Variants in AUTS2 observed in about 807,000 individuals in gnomAD.
The protein encoded by AUTS2 is activator of transcription and developmental regulator AUTS2, also known as autism susceptibility gene 2 protein.
A neutral mutation model predicts 112.4 loss-of-function variants in AUTS2; 17 were observed. The ratio of observed to expected loss-of-function variants is 0.15; its 90% CI spans 0.10 to 0.23. The LOEUF is 0.23. Ranked by LOEUF, AUTS2 falls within the 10% of genes least tolerant of loss-of-function variation. The pLI is 1.00. For synonymous variants in AUTS2, 751 were observed against 702.7 expected, an observed-to-expected ratio of 1.07 and a Z score of -1.09; for missense variants, 1,510 against 1,701.6, an observed-to-expected ratio of 0.89 and a Z score of 1.98.
chr7:70,331,277 G>A (rs1790732389), intron 4 of AUTS2, among the ~76,000 whole-genome samples: 1 of 152,084 alleles, frequency 6.6e-6, no homozygotes, highest in Non-Finnish European at 1.5e-5. Flanking sequence ...TTAGTCTTAG[G>A]AGGGTGTATG....
chr7:70,022,884 C>T (rs957702922), intron 2 of AUTS2, among the ~76,000 whole-genome samples: 1 of 151,946 alleles, frequency 6.6e-6, no homozygotes, highest in Non-Finnish European at 1.5e-5. Context: ...TAAGGTCTTG[C>T]TTTCTCGCCC....
At chr7:69,953,398 G>A (rs964935163) in intron 2 of AUTS2, among the ~76,000 whole-genome samples, 1 of 151,978 alleles carries the variant, frequency 6.6e-6, no homozygotes, top group South Asian at 2.1e-4. Context: ...TCTATTCTCA[G>A]CAACAATAAG....
rs891044606 is a variant in AUTS2, at chr7:69,824,535, A to AT, written c.310-74740dup. The AT allele has an allele frequency of 2.4e-4, 36 of 147,366 alleles. No individual in the cohort carries two copies. The South Asian group carries it at 2.6e-3, about 11-fold the overall frequency. The allele number at this position is 147,366 out of a possible 1,614,324, so 9.1% of individuals were successfully genotyped here. On this transcript the variant is annotated intron_variant, in intron 1 of 18. Coordinates refer to ENST00000342771, the MANE Select transcript of AUTS2 (RefSeq NM_015570.4). ...ATATAGGAACCGAAACCAGCCCTCG[A>AT]TTTTTTTTTTTAATCGCCGATCTTG...
chr7:70,013,948 C>A (rs958006097), intron 2 of AUTS2, among the ~76,000 whole-genome samples: 1 of 152,074 alleles, frequency 6.6e-6, no homozygotes, highest in Non-Finnish European at 1.5e-5. Context: ...GATCTCCTGA[C>A]CTCGTGATCC....
intron 1 of AUTS2, among the ~76,000 whole-genome samples, chr7:69,849,811 A>G (rs1220913575): frequency 1.3e-5 from 2 of 152,100 alleles, no homozygotes; most frequent in Non-Finnish European, 2.9e-5. Flanking sequence ...CATGGTGTGG[A>G]CACATCAGAG....
At chr7:70,180,755 A>C (rs1809254637) in intron 4 of AUTS2, among the ~76,000 whole-genome samples, 1 of 152,156 alleles carries the variant, frequency 6.6e-6, no homozygotes, top group Admixed American at 6.5e-5. Context: ...TTGTATTTTC[A>C]GGTCTAACAT....
intron 1 of AUTS2, among the ~76,000 whole-genome samples, chr7:69,894,747 C>A (rs914778395): frequency 1.3e-5 from 2 of 152,084 alleles, no homozygotes; most frequent in South Asian, 4.1e-4. Context: ...TTCTATTTTT[C>A]AAGTGCCTTT....
At chr7:69,900,546 T>C (rs1347846385) in intron 2 of AUTS2, among the ~76,000 whole-genome samples, 1 of 152,192 alleles carries the variant, frequency 6.6e-6, no homozygotes, top group Non-Finnish European at 1.5e-5. Flanking sequence ...ACATTTGTAG[T>C]TTTAGAAAGT....
At chr7:70,589,640 G>A (rs993785415) in intron 5 of AUTS2, among the ~76,000 whole-genome samples, 3 of 152,162 alleles carry the variant, frequency 2.0e-5, no homozygotes, top group Non-Finnish European at 4.4e-5. Context: ...CTTGAACCTG[G>A]GAGGCGGAGG....
At chr7:69,701,776 G>A (rs674865) in intron 1 of AUTS2, among the ~76,000 whole-genome samples, 108,393 of 152,128 alleles carry the variant, frequency 0.71, 38,664 homozygotes, top group East Asian at 0.78. Flanking sequence ...TCCAGTTTAC[G>A]ACTGAAGAGA....
At chr7:70,502,399 G>A (rs1798805001) in intron 5 of AUTS2, among the ~76,000 whole-genome samples, 1 of 152,204 alleles carries the variant, frequency 6.6e-6, no homozygotes, top group Non-Finnish European at 1.5e-5. Flanking sequence ...CCCCACTTGT[G>A]CCATACTGAA....
intron 1 of AUTS2, among the ~76,000 whole-genome samples, chr7:69,761,506 G>C (rs1788183400): frequency 1.3e-5 from 2 of 152,118 alleles, no homozygotes; most frequent in Admixed American, 6.5e-5. Flanking sequence ...TAGTCGTTTT[G>C]TGAGATCATC....
At chr7:70,378,913 T>G (rs975763330) in intron 4 of AUTS2, among the ~76,000 whole-genome samples, 1 of 152,218 alleles carries the variant, frequency 6.6e-6, no homozygotes, top group Non-Finnish European at 1.5e-5. Context: ...AATTTTAAAC[T>G]GTGGTCTAAT....
chr7:69,689,547 G>C (rs1162864453), intron 1 of AUTS2, among the ~76,000 whole-genome samples: 1 of 150,762 alleles, frequency 6.6e-6, no homozygotes, highest in Non-Finnish European at 1.5e-5. Flanking sequence ...TCACCGTATT[G>C]GCCAGGCTGG....
intron 2 of AUTS2, among the ~76,000 whole-genome samples, chr7:70,000,226 A>G (rs1799126061): frequency 6.6e-6 from 1 of 152,200 alleles, no homozygotes. Context: ...CGTACATAGA[A>G]TAGAATGACT....
At chr7:70,596,145 G>A (rs745910932) in intron 5 of AUTS2, 2 of 152,776 alleles carry the variant, frequency 1.3e-5, no homozygotes, top group African/African-American at 4.8e-5. Flanking sequence ...CATGAGGAGC[G>A]AGGCGGGCCG....
chr7:70,110,597 T>C (rs1233811721), intron 2 of AUTS2, among the ~76,000 whole-genome samples: 3 of 152,284 alleles, frequency 2.0e-5, no homozygotes, highest in African/African-American at 7.2e-5. Context: ...TGAACCCCTT[T>C]AAATAATGTG....
At chr7:70,372,411 T>G (rs1792880432) in intron 4 of AUTS2, among the ~76,000 whole-genome samples, 1 of 152,210 alleles carries the variant, frequency 6.6e-6, no homozygotes, top group South Asian at 2.1e-4. Flanking sequence ...CCAGGCCTTC[T>G]CTTCCTCTCA....
chr7:70,755,900 AATT>A (rs1307051437), intron 6 of AUTS2, among the ~76,000 whole-genome samples: 1 of 151,958 alleles, frequency 6.6e-6, no homozygotes, highest in Non-Finnish European at 1.5e-5. Flanking sequence ...AACTATATAT[AATT>A]ATTTGCTGTG....
Sources: allele counts gnomAD v4.1 joint callset (sites outside exome capture counted in the v4.1 genomes callset), GRCh38; gene constraint gnomAD v4.1.1; transcripts MANE v1.5; gene names NCBI Gene and HGNC (gene_info 2026-07-23, HGNC 2026-07-21).